The following TLN1 variants were observed in gnomAD, a reference collection of about 807,000 sequenced individuals.
TLN1 encodes talin-1.
TLN1 carries 56 observed loss-of-function variants against 292.3 expected under a neutral mutation model. The ratio of observed to expected loss-of-function variants is 0.19; its 90% CI spans 0.15 to 0.24. The LOEUF (loss-of-function observed/expected upper bound fraction) is 0.24, where lower values mean the gene tolerates loss of function less well. Among genes scored for constraint, TLN1 ranks in the 10% least tolerant of loss-of-function variants. The probability of loss-of-function intolerance (pLI) is 1.00; values close to 1 mark genes in which losing one functional copy is unlikely to be tolerated. For synonymous variants in TLN1, 1,119 were observed against 1,253.7 expected, an observed-to-expected ratio of 0.89 and a Z score of 2.27; for missense variants, 2,433 against 3,248.2, an observed-to-expected ratio of 0.75 and a Z score of 6.10.
chr9:35,699,494 T>C lies in TLN1; in HGVS notation c.6769-33A>G. The C allele has an allele frequency of 6.3e-7, 1 of 1,597,664 alleles. No individual in the cohort carries two copies. The highest frequency in any genetic ancestry group is 1.1e-5 in the South Asian group (1 of 87,832). On this transcript the variant is annotated intron_variant, in intron 50 of 56. Coordinates refer to ENST00000314888, the MANE Select transcript of TLN1 (RefSeq NM_006289.4). The surrounding 1 kb of genome is among the most constrained non-coding windows in gnomAD (Gnocchi z 4.0). ...AGAAGCGGGCAGGGGACAAAGAGCA[T>C]CACATCTTAGGGTCTACCCTGATCT... is the stretch of plus-strand genomic sequence containing the variant.
chr9:35,710,528 G>C (rs773063031), intron 33 of TLN1, 33 bp downstream of exon 33: 1 of 1,599,398 alleles, frequency 6.3e-7, no homozygotes, highest in African/African-American at 1.3e-5. Context: ...AGAAAGTAGG[G>C]GCCATTCAAA....
chr9:35,712,865 C>T lies in TLN1; in HGVS notation c.3531G>A (p.Gly1177=). Residue 1177 remains glycine, a synonymous_variant, in exon 27 of 57, where the codon GGG becomes GGA. Coordinates refer to ENST00000314888, the MANE Select transcript of TLN1 (RefSeq NM_006289.4). ...CAAGCCGCTGCTGGCTCTCAGGGTCCCCTGGATGGCCAGCTGCCTTTTTCG... is the reference window on the plus strand; with the variant it reads ...CAAGCCGCTGCTGGCTCTCAGGGTCTCCTGGATGGCCAGCTGCCTTTTTCG... ...EEAKKAAGHP[G]DPESQQRLAQ... is the part of the protein sequence containing the mutation. The T allele has an allele frequency of 6.3e-7, 1 of 1,591,668 alleles. No homozygotes were observed. Among genetic ancestry groups the T allele is most frequent in the East Asian group, 2.3e-5 (1 of 44,010 alleles).
rs1454358813 is a variant in TLN1, at chr9:35,704,089, C to T, written c.6133G>A (p.Ala2045Thr). 6.2e-7 allele frequency: 1 copy of T among 1,613,734 alleles called. No individual in the cohort carries two copies. Among genetic ancestry groups the T allele is most frequent in the Non-Finnish European group, 8.5e-7 (1 of 1,179,912 alleles). Residue 2045 changes from alanine to threonine, a missense_variant, in exon 46 of 57, where the codon GCG (alanine) becomes ACG (threonine). Transcript: ENST00000314888. This position sits in a 1 kb window ranked among gnomAD's most constrained non-coding sequence, Gnocchi z 6.9. ...QNAAGSQEKL[A>T]QAAQSSVATI... Reference sequence around the variant, plus strand: ...GCCACGGAGGACTGGGCAGCCTGCGCCAACTTCTCCTGGCTCCCAGCTGCG... The same window carrying T: ...GCCACGGAGGACTGGGCAGCCTGCGTCAACTTCTCCTGGCTCCCAGCTGCG...
At position 35,707,337 on chromosome 9, in the gene TLN1, C is replaced by T. The variant is rs1587979461; in HGVS notation, c.4773+11G>A. 1 of 1,613,270 alleles carries T rather than the reference C, an allele frequency of 6.2e-7. No homozygotes were observed. Among genetic ancestry groups the T allele is most frequent in the Non-Finnish European group, 8.5e-7 (1 of 1,179,324 alleles). On this transcript the variant is annotated intron_variant, in intron 36 of 56. Coordinates refer to ENST00000314888, the MANE Select transcript of TLN1 (RefSeq NM_006289.4). This position sits in a 1 kb window ranked among gnomAD's most constrained non-coding sequence, Gnocchi z 5.6. ...AGCTGGCCCATCAGTTCCCCCTTCA[C>T]ATCGCCTCACCTCAGGGCTGATCTG...
Position 35,729,027 on chromosome 9 carries a change from A to T in TLN1, c.-34+3048T>A, listed in dbSNP as rs575007411. On this transcript the variant is annotated intron_variant, in intron 1 of 56. Coordinates refer to ENST00000314888, the MANE Select transcript of TLN1 (RefSeq NM_006289.4). Reference sequence around the variant, plus strand: ...AAGTATCATTTGAAGCTAGAATTTTAAAAAATAGAGATAATAAAAAACAAT... The same window carrying T: ...AAGTATCATTTGAAGCTAGAATTTTTAAAAATAGAGATAATAAAAAACAAT... 2.3e-4 allele frequency among the ~76,000 whole-genome samples: 35 copies of T among 150,394 alleles called. No homozygotes were observed. In the East Asian group the frequency reaches 6.3e-3, roughly 27 times the overall value.
chr9:35,722,068 A>G (rs1448078004), intron 9 of TLN1, 51 bp downstream of exon 9: 1 of 1,534,346 alleles, frequency 6.5e-7, no homozygotes, highest in Non-Finnish European at 9.0e-7. Context: ...AGAGACAGAA[A>G]AGGGCAAGAG....
At chr9:35,722,974 T>C (rs377760058) in intron 7 of TLN1, 53 bp from the exon 8 acceptor site, 8 of 1,558,724 alleles carry the variant, frequency 5.1e-6, no homozygotes, top group African/African-American at 1.4e-5. Context: ...AGGGGACATG[T>C]GGGCCATGAA....
chr9:35,712,734 C>T (rs1366200889), intron 27 of TLN1, 101 bp downstream of exon 27: 10 of 1,016,970 alleles, frequency 9.8e-6, no homozygotes, highest in Non-Finnish European at 2.9e-6. Flanking sequence ...GAAGACATCA[C>T]TCTGTGAGTG....
At chr9:35,729,583 A>C (rs1056340339) in intron 1 of TLN1, among the ~76,000 whole-genome samples, 2 of 152,238 alleles carry the variant, frequency 1.3e-5, no homozygotes, top group South Asian at 4.1e-4. Context: ...CTTGGAGATT[A>C]GTTAGAAGGA....
chr9:35,725,109 G>A (rs1012036257), intron 3 of TLN1, 115 bp downstream of exon 3: 6 of 1,531,812 alleles, frequency 3.9e-6, no homozygotes, highest in African/African-American at 1.4e-5. Context: ...CTGTTAATAG[G>A]AAGAAAGCAT....
Position 35,722,106 on chromosome 9 carries a change from G to T in TLN1, c.948+13C>A. The T allele has an allele frequency of 6.2e-7, 1 of 1,609,636 alleles. No homozygotes were observed. On this transcript the variant is annotated intron_variant, in intron 9 of 56. Coordinates refer to ENST00000314888, the MANE Select transcript of TLN1 (RefSeq NM_006289.4). ...GGAAACAAGGAGGGCAGTGAAAAGG[G>T]CCCATAACCTACCTTCACCAGGAAG...
In TLN1 at chr9:35,711,935, C is replaced by T. The variant is rs1587982441; in HGVS notation, c.3681+70G>A. The T allele has an allele frequency of 3.8e-6, 6 of 1,597,624 alleles. No individual in the cohort carries two copies. The South Asian group carries it at 4.5e-5, about 12-fold the overall frequency. Reference sequence around the variant, plus strand: ...TGGGAAGTCAGGGTCAAAGGACAACCGAGAGGGAGGAAGGAGAGGCCTGGC... The same window carrying T: ...TGGGAAGTCAGGGTCAAAGGACAACTGAGAGGGAGGAAGGAGAGGCCTGGC... On this transcript the variant is annotated intron_variant, in intron 28 of 56. Coordinates refer to ENST00000314888, the MANE Select transcript of TLN1 (RefSeq NM_006289.4).
chr9:35,725,489 A>G, intron 2 of TLN1, 76 bp downstream of exon 2: 1 of 1,581,950 alleles, frequency 6.3e-7, no homozygotes, highest in Non-Finnish European at 8.6e-7. Context: ...AAAGGGGTCA[A>G]CTCTCAAGGC....
At position 35,706,601 on chromosome 9, in the gene TLN1, T is replaced by C. The variant is rs1308014046; in HGVS notation, c.5089-50A>G. 2 of 1,603,276 alleles carry C rather than the reference T, an allele frequency of 1.2e-6. No homozygotes were observed. Among genetic ancestry groups the C allele is most frequent in the Middle Eastern group, 1.7e-4 (1 of 6,042 alleles). Reference sequence around the variant, plus strand: ...CTGATGGTGACCTGCAATAGGACCCTCTGGCTACAAAGAACTGCTCTTCTG... The same window carrying C: ...CTGATGGTGACCTGCAATAGGACCCCCTGGCTACAAAGAACTGCTCTTCTG... On this transcript the variant is annotated intron_variant, in intron 38 of 56. Transcript: ENST00000314888. The surrounding 1 kb of genome is among the most constrained non-coding windows in gnomAD (Gnocchi z 4.2).
chr9:35,712,364 G>A (rs899441541), intron 27 of TLN1, among the ~76,000 whole-genome samples: 5 of 152,136 alleles, frequency 3.3e-5, no homozygotes, highest in Non-Finnish European at 5.9e-5. Context: ...AGACCAAGAG[G>A]GCCGGGCACA....
chr9:35,712,004 C>CCGAGTCACTCAGGAGT lies in TLN1; in HGVS notation c.3666_3681dup (p.Leu1228ThrfsTer4). 6.2e-7 allele frequency: 1 copy of CCGAGTCACTCAGGAGT among 1,613,712 alleles called. No individual in the cohort carries two copies. The highest frequency in any genetic ancestry group is 8.5e-7 in the Non-Finnish European group (1 of 1,179,920). On this transcript the variant is annotated stop_gained and frameshift_variant and splice_region_variant. Coordinates refer to ENST00000314888, the MANE Select transcript of TLN1 (RefSeq NM_006289.4). LOFTEE classifies it high-confidence loss of function. ...TCCCCCACCCCCTACCGTCCTCCTA[C>CCGAGTCACTCAGGAGT]CGAGTCACTCAGGAGTCGCTTGCTG...
At chr9:35,727,031 C>T (rs901605293) in intron 1 of TLN1, among the ~76,000 whole-genome samples, 7 of 152,346 alleles carry the variant, frequency 4.6e-5, no homozygotes, top group Non-Finnish European at 1.0e-4. Flanking sequence ...AGTCCTACCC[C>T]ACCTTCTTCC....
At chr9:35,703,387 G>C (rs148898155) in intron 48 of TLN1, among the ~76,000 whole-genome samples, 173 bp downstream of exon 48, 1 of 152,264 alleles carries the variant, frequency 6.6e-6, no homozygotes, top group East Asian at 1.9e-4. Context: ...GGCTGAGAAG[G>C]CTGGAGGAGG....
intron 48 of TLN1, among the ~76,000 whole-genome samples, chr9:35,702,639 C>T (rs556538551): frequency 1.6e-4 from 25 of 152,074 alleles, no homozygotes; most frequent in Admixed American, 5.2e-4. Flanking sequence ...ACTACAGGCG[C>T]GTGCCACCAC....
Sources: gnomAD v4.1 joint callset for allele counts (sites outside exome capture counted in the v4.1 genomes callset) on GRCh38, gnomAD v4.1.1 for gene constraint, Gnocchi (gnomAD v3.1) non-coding constraint, MANE v1.5 for transcripts, NCBI Gene and HGNC (gene_info 2026-07-23, HGNC 2026-07-21) for gene names.